Variants in MAPK11 observed in about 807,000 individuals in gnomAD.
The protein encoded by MAPK11 is mitogen-activated protein kinase 11.
Under a neutral mutation model 52.2 loss-of-function variants are expected in MAPK11, and 44 were observed. The ratio of observed to expected loss-of-function variants is 0.84; its 90% CI spans 0.66 to 1.08. The LOEUF (loss-of-function observed/expected upper bound fraction) is 1.08, where lower values mean the gene tolerates loss of function less well. MAPK11 is among the 50% of genes least tolerant of loss of function. The pLI is 0.00. For synonymous variants in MAPK11, 233 were observed against 206.3 expected (o/e 1.13, Z -1.11); for missense variants, 436 against 494.7 (o/e 0.88, Z 1.13).
Position 50,265,610 on chromosome 22 carries a change from G to A in MAPK11, c.813C>T (p.Ser271=). 2 of 1,609,900 alleles carry A rather than the reference G, an allele frequency of 1.2e-6. No individual in the cohort carries two copies. Among genetic ancestry groups the A allele is most frequent in the South Asian group, 2.2e-5 (2 of 90,724 alleles). ...GGGGGTTGGCTCCACGGAAGATGCT[G>A]CTCAGGTCCTTCTGGGGCATGGGGG... The part of the protein sequence containing the change: ...SLPPMPQKDL[S]SIFRGANPLA... The change falls in exon 10 of 12, where the codon AGC becomes AGT. Residue 271 remains serine (S), a synonymous_variant. Transcript: ENST00000330651.
intron 8 of MAPK11, 114 bp from the exon 9 acceptor site, chr22:50,266,419 C>A: frequency 7.2e-7 from 1 of 1,396,558 alleles, no homozygotes; most frequent in South Asian, 1.4e-5. Flanking sequence ...GGATGGCCAG[C>A]CCAAAGTAGC....
At chr22:50,267,971 C>T in intron 1 of MAPK11, 22 bp from the exon 2 acceptor site, 1 of 1,527,580 alleles carries the variant, frequency 6.5e-7, no homozygotes, top group Non-Finnish European at 8.8e-7. Context: ...GCGAGTGAGG[C>T]GGCGCCGGGA....
In MAPK11 at chr22:50,266,216, A is replaced by C; in HGVS notation, c.762+10T>G. On this transcript the variant is annotated intron_variant, in intron 9 of 11. Coordinates refer to ENST00000330651, the MANE Select transcript of MAPK11 (RefSeq NM_002751.7). ...GAGAGGGAGCTGCTGGCTGGCGGGC[A>C]CCAACTCACGTGTTCTGAGGAGATT... 1 of 1,575,282 alleles carries C rather than the reference A, an allele frequency of 6.3e-7. No individual in the cohort carries two copies. Among genetic ancestry groups the C allele is most frequent in the Non-Finnish European group, 8.6e-7 (1 of 1,159,188 alleles).
In MAPK11 at chr22:50,267,456, G is replaced by C. The variant is rs775125128; in HGVS notation, c.332C>G (p.Ala111Gly). 6.2e-7 allele frequency: 1 copy of C among 1,608,626 alleles called. No homozygotes were observed. Among genetic ancestry groups the C allele is most frequent in the Admixed American group, 1.7e-5 (1 of 59,578 alleles). ...EVYLVTTLMG[A>G]DLNNIVKCQA... ...GCACTTGACGATGTTGTTCAGGTCG[G>C]CGCCCATCAGGGTGGTCACCAAGTA... The change falls in exon 4 of 12, where the codon GCC becomes GGC. Residue 111 changes from alanine (A) to glycine (G), a missense_variant. Coordinates refer to ENST00000330651, the MANE Select transcript of MAPK11 (RefSeq NM_002751.7).
In MAPK11 at chr22:50,265,042, G is replaced by A. The variant is rs772572232; in HGVS notation, c.1016-15C>T. 2.5e-6 allele frequency: 4 copies of A among 1,607,656 alleles called. No homozygotes were observed. In the African/African-American group the frequency reaches 5.3e-5, roughly 21 times the overall value. ...GTAAGTGAGCTCTAGGAGGTGAAGG[G>A]AAAGGGTGAGCTTGTGCCTCCCACA... On this transcript the variant is annotated splice_polypyrimidine_tract_variant and intron_variant, in intron 11 of 11. Transcript: ENST00000330651.
intron 2 of MAPK11, 47 bp from the exon 3 acceptor site, chr22:50,267,674 C>G: frequency 1.3e-6 from 2 of 1,491,430 alleles, no homozygotes; most frequent in Non-Finnish European, 1.8e-6. Flanking sequence ...CCCCGGCTGT[C>G]GTTCAGCTCC....
chr22:50,267,144 C>A lies in MAPK11; in HGVS notation c.478G>T (p.Glu160Ter). 1 of 1,612,048 alleles carries A rather than the reference C, an allele frequency of 6.2e-7. No individual in the cohort carries two copies. Among genetic ancestry groups the A allele is most frequent in the Non-Finnish European group, 8.5e-7 (1 of 1,179,656 alleles). The stretch of plus-strand genomic sequence containing the variant: ...GGCCTCACCCTGAGCTCACAGTCCT[C>A]GTTCACAGCCACGTTGCTGGGCTTC... ...DLKPSNVAVN[E>*]DCELRILDFG... The change falls in exon 6 of 12, where the codon GAG (glutamate) becomes TAG (stop). Residue 160 changes from glutamate to a stop codon, truncating the protein, a stop_gained. Coordinates refer to ENST00000330651, the MANE Select transcript of MAPK11 (RefSeq NM_002751.7). LOFTEE classifies it high-confidence loss of function.
chr22:50,270,122 G>C lies in MAPK11; in HGVS notation c.116+55C>G. The C allele has an allele frequency of 1.1e-6, 1 of 950,338 alleles. No individual in the cohort carries two copies. The highest frequency in any genetic ancestry group is 1.4e-6 in the Non-Finnish European group (1 of 706,716). 58.9% of individuals were successfully genotyped at this position (950,338 alleles called of 1,614,324 possible). On this transcript the variant is annotated intron_variant, in intron 1 of 11. Coordinates refer to ENST00000330651, the MANE Select transcript of MAPK11 (RefSeq NM_002751.7). The surrounding 1 kb of genome is among the most constrained non-coding windows in gnomAD (Gnocchi z 6.3). The stretch of plus-strand genomic sequence containing the variant: ...AACCTCGCGCGGGCGAGGAGGGGAC[G>C]CGCTCTCCGGCCCGGCCCGGCCCCC...
intron 7 of MAPK11, 29 bp from the exon 8 acceptor site, chr22:50,266,640 G>A (rs763396690): frequency 6.4e-7 from 1 of 1,570,856 alleles, no homozygotes; most frequent in East Asian, 2.2e-5. Flanking sequence ...ACCTCCATCA[G>A]TGTGCCCACC....
At chr22:50,265,248 G>A (rs1397159839) in intron 11 of MAPK11, 73 bp downstream of exon 11, 3 of 1,569,874 alleles carry the variant, frequency 1.9e-6, no homozygotes, top group Non-Finnish European at 2.6e-6. Flanking sequence ...GAGAGGAACT[G>A]GGGCATTTCC....
chr22:50,266,916 A>G lies in MAPK11; in HGVS notation c.610+18T>C. On this transcript the variant is annotated intron_variant, in intron 7 of 11. Coordinates refer to ENST00000330651, the MANE Select transcript of MAPK11 (RefSeq NM_002751.7). ...CGAGGCCCTTGGCCTTCGTCCCCCC[A>G]AGGCCTTCCCCCTGCACCTGTTTGG... 19 of 1,602,724 alleles carry G rather than the reference A, an allele frequency of 1.2e-5. No homozygotes were observed. The highest frequency in any genetic ancestry group is 1.5e-5 in the Non-Finnish European group (18 of 1,176,912).
intron 2 of MAPK11, 29 bp downstream of exon 2, chr22:50,267,791 C>G: frequency 6.7e-7 from 1 of 1,501,374 alleles, no homozygotes; most frequent in Non-Finnish European, 8.9e-7. Flanking sequence ...CCGCACGCGC[C>G]CTCCCCCCAC....
intron 1 of MAPK11, 45 bp from the exon 2 acceptor site, chr22:50,267,994 C>A (rs905471314): frequency 6.7e-7 from 1 of 1,484,480 alleles, no homozygotes; most frequent in Admixed American, 2.3e-5. Flanking sequence ...GGTCCGAGGG[C>A]GGCCGCACGC....
intron 1 of MAPK11, among the ~76,000 whole-genome samples, chr22:50,269,720 T>G (rs1002741965): frequency 6.6e-6 from 1 of 152,144 alleles, no homozygotes; most frequent in Non-Finnish European, 1.5e-5. Context: ...GATCTTGGCT[T>G]CCGGGAGCGG....
chr22:50,266,458 C>A, intron 8 of MAPK11, 82 bp downstream of exon 8: 1 of 1,429,408 alleles, frequency 7.0e-7, no homozygotes, highest in Non-Finnish European at 9.5e-7. Flanking sequence ...GAGGCAAGAC[C>A]CGCCAGAAGG....
chr22:50,268,073 C>T (rs1020460714), intron 1 of MAPK11, 124 bp from the exon 2 acceptor site: 8 of 964,712 alleles, frequency 8.3e-6, no homozygotes, highest in South Asian at 3.8e-5. Flanking sequence ...TTTTCTGCCC[C>T]GGCCCCGCCG....
At chr22:50,269,331 C>T (rs2065289906) in intron 1 of MAPK11, among the ~76,000 whole-genome samples, 1 of 152,018 alleles carries the variant, frequency 6.6e-6, no homozygotes, top group Non-Finnish European at 1.5e-5. Flanking sequence ...GCCTAGAGGT[C>T]CCACTTCCAA....
chr22:50,264,492 C>G lies in MAPK11; in HGVS notation c.*456G>C, dbSNP rs531785107. 6.3e-6 allele frequency: 1 copy of G among 159,592 alleles called. No individual in the cohort carries two copies. Among genetic ancestry groups the G allele is most frequent in the African/African-American group, 2.4e-5 (1 of 41,718 alleles). 9.9% of individuals were successfully genotyped at this position (159,592 alleles called of 1,614,324 possible). The stretch of plus-strand genomic sequence containing the variant: ...ACCAAGACAGCCCCCTACCTCCAGG[C>G]TGAGCAGCTCTAACCACTGAGACCT... On this transcript the variant is annotated 3_prime_UTR_variant, in exon 12 of 12. Transcript: ENST00000330651.
In MAPK11 at chr22:50,265,662, TG is replaced by T. The variant is rs2065256628; in HGVS notation, c.763-3del. ...CAGGGACTGGATATATGTCCGGGCC[TG>T]GGGGCACACAAGAACACCTGGGGAG... On this transcript the variant is annotated splice_region_variant and splice_polypyrimidine_tract_variant and intron_variant, in intron 9 of 11. Coordinates refer to ENST00000330651, the MANE Select transcript of MAPK11 (RefSeq NM_002751.7). 5 of 1,545,420 alleles carry T rather than the reference TG, an allele frequency of 3.2e-6. No individual in the cohort carries two copies. Among genetic ancestry groups the T allele is most frequent in the Admixed American group, 1.9e-5 (1 of 53,684 alleles).
Sources: gnomAD v4.1 joint callset for allele counts (sites outside exome capture counted in the v4.1 genomes callset) on GRCh38, gnomAD v4.1.1 for gene constraint, Gnocchi (gnomAD v3.1) non-coding constraint, MANE v1.5 for transcripts, NCBI Gene and HGNC (gene_info 2026-07-23, HGNC 2026-07-21) for gene names.